The following CALD1 variants were observed in gnomAD, a reference collection of about 807,000 sequenced individuals.
CALD1 encodes the protein caldesmon 1.
In CALD1, 33 loss-of-function variants were observed where a neutral mutation model predicts 99.9. The observed-to-expected ratio is 0.33, with a 90% CI of 0.25 to 0.44. CALD1 has a LOEUF of 0.44. Ranked by LOEUF, CALD1 falls within the 20% of genes least tolerant of loss-of-function variation. CALD1 has a pLI of 1.00. For synonymous variants in CALD1, 310 were observed against 325.0 expected (o/e 0.95, Z 0.50); for missense variants, 861 against 962.1 (o/e 0.89, Z 1.39).
chr7:134,915,762 A>G (rs933493739), intron 3 of CALD1, among the ~76,000 whole-genome samples: 2 of 152,214 alleles, frequency 1.3e-5, no homozygotes, highest in Non-Finnish European at 2.9e-5. Flanking sequence ...GGGGTCTTCT[A>G]TTAACTCAAA....
chr7:134,927,477 G>A (rs995555444), intron 3 of CALD1, among the ~76,000 whole-genome samples: 1 of 150,176 alleles, frequency 6.7e-6, no homozygotes, highest in African/African-American at 2.5e-5. Flanking sequence ...GCTTGAGCCT[G>A]GGAGGTCAAG....
intron 3 of CALD1, among the ~76,000 whole-genome samples, chr7:134,915,375 A>G (rs1039619499): frequency 2.0e-5 from 3 of 152,142 alleles, no homozygotes; most frequent in African/African-American, 7.2e-5. Context: ...AGAAATATGA[A>G]CTTTTTTTTT....
At chr7:134,922,616 G>A (rs1804697523) in intron 3 of CALD1, among the ~76,000 whole-genome samples, 1 of 152,210 alleles carries the variant, frequency 6.6e-6, no homozygotes, top group African/African-American at 2.4e-5. Context: ...GGGGACACTG[G>A]GGCAAGAGGA....
chr7:134,822,376 A>C (rs1798817054), intron 1 of CALD1, among the ~76,000 whole-genome samples: 1 of 152,200 alleles, frequency 6.6e-6, no homozygotes, highest in South Asian at 2.1e-4. Context: ...AATGGGATGA[A>C]GGGAAACTTT....
At chr7:134,735,504 T>TAACAGTTA in the CALD1 span, among the ~76,000 whole-genome samples, 1 of 151,912 alleles carries the variant, frequency 6.6e-6, no homozygotes, top group Non-Finnish European at 1.5e-5. Flanking sequence ...CTTATTTGGA[T>TAACAGTTA]AACAGTTAAA....
At chr7:134,749,149 G>A (rs1321586030) in intron 1 of CALD1, among the ~76,000 whole-genome samples, 1 of 152,198 alleles carries the variant, frequency 6.6e-6, no homozygotes, top group Admixed American at 6.5e-5. Context: ...TGGACTTTCT[G>A]GAAAGAGGAA....
In CALD1 at chr7:134,826,611, A is replaced by C. The variant is rs551630346; in HGVS notation, c.-129-17273A>C. Among the ~76,000 whole-genome samples the C allele has an allele frequency of 3.6e-3, 543 of 151,902 alleles. 1 individual carries two copies. Among genetic ancestry groups the C allele is most frequent in the Non-Finnish European group, 5.2e-3 (353 of 68,036 alleles). ...ACGAACACTGTTGCCTGAATTCCCTAAACTATCATGATAACAGACATTTTA... is the reference window on the plus strand; with the variant it reads ...ACGAACACTGTTGCCTGAATTCCCTCAACTATCATGATAACAGACATTTTA... On this transcript the variant is annotated intron_variant, in intron 1 of 14. Transcript: ENST00000361675.
At chr7:134,941,386 GATA>G in intron 7 of CALD1, 149 bp downstream of exon 7, 1 of 624,772 alleles carries the variant, frequency 1.6e-6, no homozygotes, top group Non-Finnish European at 2.7e-6. Flanking sequence ...TTGTCTTAGA[GATA>G]CTCAGTCAGC....
At chr7:134,770,711 A>G (rs1796870098) in intron 1 of CALD1, among the ~76,000 whole-genome samples, 1 of 152,174 alleles carries the variant, frequency 6.6e-6, no homozygotes, top group Non-Finnish European at 1.5e-5. Context: ...ATAAGGTCCT[A>G]TATGTTTGGA....
chr7:134,853,960 G>A (rs963136317), intron 2 of CALD1, among the ~76,000 whole-genome samples: 2 of 149,758 alleles, frequency 1.3e-5, no homozygotes, highest in African/African-American at 4.9e-5. Context: ...AGAACATGCG[G>A]TGTTTGGTTT....
chr7:134,753,778 T>C (rs1185055160), intron 1 of CALD1, among the ~76,000 whole-genome samples: 2 of 152,186 alleles, frequency 1.3e-5, no homozygotes, highest in Non-Finnish European at 2.9e-5. Flanking sequence ...CTACAAATTG[T>C]CTTGTAGCTA....
In CALD1 at chr7:134,941,268, G is replaced by C. The variant is rs372391111; in HGVS notation, c.1532+31G>C. On this transcript the variant is annotated intron_variant, in intron 7 of 14. Transcript: ENST00000361675. ...AAGTAGCAACTAGTTAATAGAAACT[G>C]TGTTCACATGCAAAGAAAAAAAAAA... is the stretch of plus-strand genomic sequence containing the variant. 14 of 1,517,604 alleles carry C rather than the reference G, an allele frequency of 9.2e-6. No individual in the cohort carries two copies. The East Asian group carries it at 2.1e-4, about 22-fold the overall frequency. 94.0% of individuals were successfully genotyped at this position (1,517,604 alleles called of 1,614,324 possible).
intron 1 of CALD1, among the ~76,000 whole-genome samples, chr7:134,822,501 G>T (rs1798821460): frequency 6.6e-6 from 1 of 152,090 alleles, no homozygotes; most frequent in African/African-American, 2.4e-5. Flanking sequence ...GTTGAATTCA[G>T]AATATAGTGA....
chr7:134,753,590 A>G (rs1796703162), intron 1 of CALD1, among the ~76,000 whole-genome samples: 1 of 152,240 alleles, frequency 6.6e-6, no homozygotes, highest in Non-Finnish European at 1.5e-5. Flanking sequence ...GGTAAGAAGC[A>G]CTGGTCTAGG....
At chr7:134,955,713 C>T (rs1212516234) in intron 9 of CALD1, among the ~76,000 whole-genome samples, 1 of 152,216 alleles carries the variant, frequency 6.6e-6, no homozygotes, top group African/African-American at 2.4e-5. Context: ...CTTAGAGGCC[C>T]CATTTCCAAG....
In CALD1 at chr7:134,886,310, G is replaced by A. The variant is rs1028008817; in HGVS notation, c.71+18506G>A. On this transcript the variant is annotated intron_variant, in intron 3 of 14. Coordinates refer to ENST00000361675, the MANE Select transcript of CALD1 (RefSeq NM_033138.4). Reference sequence around the variant, plus strand: ...TTCATAGAGGTAAGGCCTGGAACTGGTTCTTAAAGAACCACTAGAATTCAG... The same window carrying A: ...TTCATAGAGGTAAGGCCTGGAACTGATTCTTAAAGAACCACTAGAATTCAG... Among the ~76,000 whole-genome samples, 5 of 152,186 alleles carry A rather than the reference G, an allele frequency of 3.3e-5. No individual in the cohort carries two copies. In the South Asian group the frequency reaches 8.3e-4, roughly 25 times the overall value.
chr7:134,853,535 T>C (rs549844181), intron 2 of CALD1, among the ~76,000 whole-genome samples: 1 of 152,160 alleles, frequency 6.6e-6, no homozygotes, highest in Non-Finnish European at 1.5e-5. Flanking sequence ...TTTTTTCTTC[T>C]TTTTAGGTTT....
intron 3 of CALD1, among the ~76,000 whole-genome samples, chr7:134,921,591 C>T: frequency 6.6e-6 from 1 of 152,162 alleles, no homozygotes; most frequent in East Asian, 1.9e-4. Flanking sequence ...GCGGGCGGAT[C>T]ACCTGAGGTC....
At chr7:134,932,933 C>A in intron 4 of CALD1, 55 bp from the exon 5 acceptor site, 1 of 1,254,998 alleles carries the variant, frequency 8.0e-7, no homozygotes, top group Non-Finnish European at 1.1e-6. Flanking sequence ...TGTATGAATG[C>A]TGCTGACTGA....
Sources: allele counts gnomAD v4.1 joint callset (sites outside exome capture counted in the v4.1 genomes callset), GRCh38; gene constraint gnomAD v4.1.1; transcripts MANE v1.5; gene names NCBI Gene and HGNC (gene_info 2026-07-23, HGNC 2026-07-21).